The following MDFIC variants were observed in gnomAD, a reference collection of about 807,000 sequenced individuals.
MDFIC encodes MyoD family inhibitor domain containing.
MDFIC carries 17 observed loss-of-function variants against 23.2 expected under a neutral mutation model. The observed-to-expected ratio is 0.73, with a 90% CI of 0.50 to 1.10. The LOEUF (loss-of-function observed/expected upper bound fraction) is 1.10. Among genes scored for constraint, MDFIC ranks in the 50% least tolerant of loss-of-function variants. The pLI is 0.00. For synonymous variants in MDFIC, 120 were observed against 115.2 expected, an observed-to-expected ratio of 1.04 and a Z score of -0.27; for missense variants, 356 against 316.6, an observed-to-expected ratio of 1.12 and a Z score of -0.95.
chr7:114,923,768 T>TA (rs1383621305), intron 2 of MDFIC: 1 of 787,880 alleles, frequency 1.3e-6, no homozygotes, highest in Non-Finnish European at 1.8e-6. Context: ...CTAAACGAGT[T>TA]GAACCTTTCT....
At chr7:114,936,229 G>C (rs1173572464) in intron 2 of MDFIC, among the ~76,000 whole-genome samples, 3 of 152,110 alleles carry the variant, frequency 2.0e-5, no homozygotes, top group African/African-American at 7.2e-5. Context: ...TTCTGTCCCA[G>C]AGACACTAAT....
chr7:115,004,641 A>T (rs566759129), intron 4 of MDFIC, among the ~76,000 whole-genome samples: 6 of 152,218 alleles, frequency 3.9e-5, no homozygotes, highest in African/African-American at 1.4e-4. Flanking sequence ...CAAATGCTCA[A>T]TGAAGACTTG....
At chr7:114,923,773 C>G in intron 2 of MDFIC, 1 of 730,694 alleles carries the variant, frequency 1.4e-6, no homozygotes, top group Non-Finnish European at 1.9e-6. Context: ...CGAGTTGAAC[C>G]TTTCTTCTCT....
At chr7:114,978,860 C>A (rs958034525) in intron 3 of MDFIC, among the ~76,000 whole-genome samples, 1 of 152,032 alleles carries the variant, frequency 6.6e-6, no homozygotes, top group African/African-American at 2.4e-5. Context: ...ATTTGACATA[C>A]TTCTAAAGTC....
At chr7:115,014,655 A>C (rs1791757516) in intron 4 of MDFIC, 1 of 628,892 alleles carries the variant, frequency 1.6e-6, no homozygotes, top group Non-Finnish European at 2.2e-6. Context: ...ACAACCCAGA[A>C]TTAATTCTGG....
At chr7:115,000,533 G>C (rs1430825309) in intron 4 of MDFIC, among the ~76,000 whole-genome samples, 1 of 152,056 alleles carries the variant, frequency 6.6e-6, no homozygotes, top group Non-Finnish European at 1.5e-5. Flanking sequence ...TATAGTAAAA[G>C]TAATTTATTT....
At chr7:115,001,391 A>G (rs2116081823) in intron 4 of MDFIC, among the ~76,000 whole-genome samples, 1 of 152,366 alleles carries the variant, frequency 6.6e-6, no homozygotes, top group East Asian at 1.9e-4. Context: ...TCACCATAAC[A>G]TAACATAATT....
At chr7:115,001,631 G>T (rs1275889185) in intron 4 of MDFIC, among the ~76,000 whole-genome samples, 1 of 152,170 alleles carries the variant, frequency 6.6e-6, no homozygotes, top group Non-Finnish European at 1.5e-5. Flanking sequence ...GGAGTCAACA[G>T]GTGTTTATTA....
intron 3 of MDFIC, among the ~76,000 whole-genome samples, chr7:114,953,339 C>G (rs183925562): frequency 6.6e-6 from 1 of 152,028 alleles, no homozygotes; most frequent in South Asian, 2.1e-4. Context: ...TCATAAAAAT[C>G]TTTTTTAAAA....
At position 114,922,371 on chromosome 7, in the gene MDFIC, C is replaced by A. The variant is rs753124453; in HGVS notation, c.-373C>A. The stretch of plus-strand genomic sequence containing the variant: ...GAGGCAGAGAGGGGGAAGGCCCCCT[C>A]GCAGGGGAGCCGGCTGGAGTGAGCT... On this transcript the variant is annotated 5_prime_UTR_variant, in exon 1 of 5. Transcript: ENST00000393486. 5 of 1,229,126 alleles carry A rather than the reference C, an allele frequency of 4.1e-6. No individual in the cohort carries two copies. Among genetic ancestry groups the A allele is most frequent in the Non-Finnish European group, 5.1e-6 (5 of 983,966 alleles). The allele number at this position is 1,229,126 out of a possible 1,614,324, so 76.1% of individuals were successfully genotyped here.
Position 114,922,940 on chromosome 7 carries a change from C to T in MDFIC, c.-94C>T, listed in dbSNP as rs199664008. On this transcript the variant is annotated 5_prime_UTR_variant, in exon 2 of 5. Coordinates refer to ENST00000393486, the MANE Select transcript of MDFIC (RefSeq NM_001166345.3). ...TTTTTCCGCCAGAAGCAGTCAGTTC[C>T]CTGCACCCAGCACCTCACAGCCCTT... 8 of 1,592,812 alleles carry T rather than the reference C, an allele frequency of 5.0e-6. No homozygotes were observed. The highest frequency in any genetic ancestry group is 6.8e-6 in the Non-Finnish European group (8 of 1,170,346).
At chr7:114,999,213 A>G (rs145649196) in intron 4 of MDFIC, among the ~76,000 whole-genome samples, 343 of 152,274 alleles carry the variant, frequency 2.3e-3, no homozygotes, top group African/African-American at 7.6e-3. Context: ...TTCCACAATA[A>G]TAGTGTAATA....
At chr7:114,957,774 A>G (rs1436154014) in intron 3 of MDFIC, among the ~76,000 whole-genome samples, 4 of 152,210 alleles carry the variant, frequency 2.6e-5, no homozygotes, top group Non-Finnish European at 5.9e-5. Flanking sequence ...CTTACTGTAT[A>G]AAAGTTCATA....
At chr7:114,943,404 T>TA (rs1792585157) in intron 3 of MDFIC, among the ~76,000 whole-genome samples, 1 of 151,592 alleles carries the variant, frequency 6.6e-6, no homozygotes, top group South Asian at 2.1e-4. Context: ...TAGGAGAAAA[T>TA]AAACAACAAC....
Position 114,979,666 on chromosome 7 carries a change from T to C in MDFIC, c.378T>C (p.Pro126=). Residue 126 remains proline (P), a synonymous_variant, in exon 4 of 5, where the codon CCT becomes CCC. Transcript: ENST00000393486. ...GSADNRKLSA[P]VSQKMHRKIQ... Reference sequence around the variant, plus strand: ...CAGATAATCGCAAACTTTCAGCACCTGTTTCTCAAAAAATGCATAGAAAAA... The same window carrying C: ...CAGATAATCGCAAACTTTCAGCACCCGTTTCTCAAAAAATGCATAGAAAAA... 1 of 1,614,062 alleles carries C rather than the reference T, an allele frequency of 6.2e-7. No individual in the cohort carries two copies. The highest frequency in any genetic ancestry group is 8.5e-7 in the Non-Finnish European group (1 of 1,179,996).
intron 4 of MDFIC, chr7:115,014,637 C>A (rs1791757097): frequency 1.5e-5 from 12 of 792,842 alleles, no homozygotes; most frequent in Non-Finnish European, 2.0e-5. Flanking sequence ...ACAAGGAACC[C>A]ACACAAAACA....
intron 3 of MDFIC, among the ~76,000 whole-genome samples, chr7:114,971,827 T>C (rs988453301): frequency 1.3e-5 from 2 of 152,182 alleles, no homozygotes; most frequent in African/African-American, 2.4e-5. Flanking sequence ...AAAACTCTTA[T>C]ATTTGGATTT....
chr7:114,991,101 G>C (rs1791148656), intron 4 of MDFIC, among the ~76,000 whole-genome samples: 1 of 152,126 alleles, frequency 6.6e-6, no homozygotes, highest in African/African-American at 2.4e-5. Flanking sequence ...GATGGCCAGT[G>C]ATGATGAGCA....
intron 4 of MDFIC, among the ~76,000 whole-genome samples, chr7:114,994,908 G>A (rs1284544295): frequency 1.3e-5 from 2 of 152,136 alleles, no homozygotes; most frequent in East Asian, 3.9e-4. Context: ...TTGCTAGGTT[G>A]GGGATGTTCT....
Sources: allele counts gnomAD v4.1 joint callset (sites outside exome capture counted in the v4.1 genomes callset), GRCh38; gene constraint gnomAD v4.1.1; transcripts MANE v1.5; gene names NCBI Gene and HGNC (gene_info 2026-07-23, HGNC 2026-07-21).